PPARGC1A: variants seen among roughly 807,000 people sequenced by gnomAD.
The protein encoded by PPARGC1A is peroxisome proliferator-activated receptor gamma coactivator 1-alpha.
PPARGC1A carries 25 observed loss-of-function variants against 88.7 expected under a neutral mutation model. The ratio of observed to expected loss-of-function variants is 0.28; its 90% CI spans 0.21 to 0.39. PPARGC1A has a LOEUF of 0.39. Ranked by LOEUF, PPARGC1A falls within the 10% of genes least tolerant of loss-of-function variation. The pLI is 1.00. For missense variants in PPARGC1A, 880 were observed against 968.7 expected, an observed-to-expected ratio of 0.91 and a Z score of 1.22; for synonymous variants, 363 against 355.6, an observed-to-expected ratio of 1.02 and a Z score of -0.24.
the PPARGC1A span, among the ~76,000 whole-genome samples, chr4:23,962,507 C>A: frequency 6.6e-6 from 1 of 152,260 alleles, no homozygotes; most frequent in East Asian, 1.9e-4. Flanking sequence ...CTGCCCAAGA[C>A]AATGAGACAG....
the PPARGC1A span, among the ~76,000 whole-genome samples, chr4:24,463,544 G>A: frequency 6.6e-6 from 1 of 152,184 alleles, no homozygotes; most frequent in Non-Finnish European, 1.5e-5. Flanking sequence ...ATGGAACAAA[G>A]AATGATAAAT....
chr4:24,132,936 T>C, the PPARGC1A span, among the ~76,000 whole-genome samples: 3 of 152,174 alleles, frequency 2.0e-5, no homozygotes, highest in South Asian at 6.2e-4. Context: ...TTTGTGTGGG[T>C]ACATGGTAAA....
chr4:23,998,668 A>G, the PPARGC1A span, among the ~76,000 whole-genome samples: 830 of 152,328 alleles, frequency 5.4e-3, 36 homozygotes, highest in East Asian at 0.089. Flanking sequence ...TGGGCCAGAT[A>G]TAGATATAAT....
upstream of PPARGC1A, among the ~76,000 whole-genome samples, chr4:23,905,489 T>G (rs1259098370): frequency 6.6e-6 from 1 of 152,198 alleles, no homozygotes; most frequent in Admixed American, 6.5e-5. Context: ...GGTCCTCTTT[T>G]TTCACCCTAT....
At chr4:24,214,962 A>G in the PPARGC1A span, among the ~76,000 whole-genome samples, 1 of 152,336 alleles carries the variant, frequency 6.6e-6, no homozygotes, top group African/African-American at 2.4e-5. Context: ...ATTGTAACCA[A>G]CAAAATGGCT....
At chr4:24,097,272 T>C in the PPARGC1A span, among the ~76,000 whole-genome samples, 1 of 152,096 alleles carries the variant, frequency 6.6e-6, no homozygotes. Context: ...AACAAAAAAG[T>C]CTGGGGTGAA....
chr4:24,321,685 T>C, the PPARGC1A span, among the ~76,000 whole-genome samples: 1 of 152,244 alleles, frequency 6.6e-6, no homozygotes, highest in African/African-American at 2.4e-5. Flanking sequence ...ATCTGCTACA[T>C]GCAACTTGAC....
At chr4:24,092,410 C>T in the PPARGC1A span, among the ~76,000 whole-genome samples, 1 of 152,148 alleles carries the variant, frequency 6.6e-6, no homozygotes, top group African/African-American at 2.4e-5. Context: ...AGATTCTTAT[C>T]TAATTGGTCT....
chr4:24,427,169 C>T, the PPARGC1A span, among the ~76,000 whole-genome samples: 1 of 152,156 alleles, frequency 6.6e-6, no homozygotes, highest in Admixed American at 6.5e-5. Flanking sequence ...TTCTAATGTC[C>T]TCATTACAAA....
chr4:24,002,190 G>A, the PPARGC1A span, among the ~76,000 whole-genome samples: 6 of 151,804 alleles, frequency 4.0e-5, no homozygotes, highest in Middle Eastern at 3.4e-3. Context: ...GCAGTGGCAC[G>A]ATCTCAGCTC....
chr4:24,470,816 AT>A, the PPARGC1A span, among the ~76,000 whole-genome samples: 1 of 150,674 alleles, frequency 6.6e-6, no homozygotes, highest in African/African-American at 2.4e-5. The surrounding 1 kb of genome is among the most constrained non-coding windows in gnomAD (Gnocchi z 5.8). Flanking sequence ...GGCGGCCCTT[AT>A]GTATTATTCA....
At chr4:24,102,956 TG>T in the PPARGC1A span, among the ~76,000 whole-genome samples, 1 of 152,202 alleles carries the variant, frequency 6.6e-6, no homozygotes, top group African/African-American at 2.4e-5. Context: ...TGGAGATGGT[TG>T]TTAAACCATA....
At chr4:24,202,487 G>T in the PPARGC1A span, among the ~76,000 whole-genome samples, 1 of 152,106 alleles carries the variant, frequency 6.6e-6, no homozygotes, top group African/African-American at 2.4e-5. Flanking sequence ...ACTGTCCCTA[G>T]TCTTCTGAAG....
At chr4:24,128,234 C>A in the PPARGC1A span, among the ~76,000 whole-genome samples, 1 of 152,124 alleles carries the variant, frequency 6.6e-6, no homozygotes, top group East Asian at 1.9e-4. Context: ...CAGCTCTGGG[C>A]CAATTACTTA....
the PPARGC1A span, among the ~76,000 whole-genome samples, chr4:24,275,763 T>C: frequency 6.6e-6 from 1 of 152,134 alleles, no homozygotes; most frequent in African/African-American, 2.4e-5. Flanking sequence ...CTTTAACAAC[T>C]CCATTCCCAT....
At chr4:23,823,385 G>C (rs1220874255) in intron 7 of PPARGC1A, among the ~76,000 whole-genome samples, 1 of 151,780 alleles carries the variant, frequency 6.6e-6, no homozygotes, top group Non-Finnish European at 1.5e-5. Flanking sequence ...ATAAGCTTAA[G>C]GTAAAGATCT....
the PPARGC1A span, among the ~76,000 whole-genome samples, chr4:23,997,322 T>C: frequency 7.9e-5 from 12 of 152,004 alleles, no homozygotes; most frequent in Admixed American, 2.6e-4. Context: ...AAATCATGCA[T>C]TGAGAAGTTG....
the PPARGC1A span, among the ~76,000 whole-genome samples, chr4:24,096,922 T>C: frequency 6.6e-6 from 1 of 152,208 alleles, no homozygotes; most frequent in Non-Finnish European, 1.5e-5. Context: ...TAAATTCCTT[T>C]AGCTTATAGA....
At chr4:23,957,339 C>G in the PPARGC1A span, among the ~76,000 whole-genome samples, 1 of 152,086 alleles carries the variant, frequency 6.6e-6, no homozygotes, top group African/African-American at 2.4e-5. Context: ...GTTGACCTCC[C>G]TTAAGGCAGG....
Sources: gnomAD v4.1 joint callset for allele counts (sites outside exome capture counted in the v4.1 genomes callset) on GRCh38, gnomAD v4.1.1 for gene constraint, Gnocchi (gnomAD v3.1) non-coding constraint, MANE v1.5 for transcripts, NCBI Gene and HGNC (gene_info 2026-07-23, HGNC 2026-07-21) for gene names.